Variants in SIPA1L1 observed in about 807,000 individuals in gnomAD.
SIPA1L1 encodes signal induced proliferation associated 1 like 1, also known as signal-induced proliferation-associated 1-like protein 1.
SIPA1L1 carries 26 observed loss-of-function variants against 162.7 expected under a neutral mutation model. That is an observed-to-expected ratio of 0.16 (90% CI 0.12 to 0.22). SIPA1L1 has a LOEUF of 0.22. Among genes scored for constraint, SIPA1L1 ranks in the 10% least tolerant of loss-of-function variants. The pLI is 1.00. For missense variants in SIPA1L1, 1,874 were observed against 2,241.0 expected (o/e 0.84, Z 3.31); for synonymous variants, 829 against 837.4 (o/e 0.99, Z 0.17).
chr14:71,362,335 A>G (rs1316235905), intron 2 of SIPA1L1, among the ~76,000 whole-genome samples: 1 of 152,146 alleles, frequency 6.6e-6, no homozygotes, highest in African/African-American at 2.4e-5. Context: ...AATAAACCAA[A>G]GGTTCCCTGT....
intron 4 of SIPA1L1, among the ~76,000 whole-genome samples, chr14:71,539,171 C>T (rs998573141): frequency 1.2e-4 from 19 of 152,180 alleles, no homozygotes; most frequent in Non-Finnish European, 1.8e-4. Flanking sequence ...CAAGGATGCT[C>T]TCTACAGTCC....
intron 2 of SIPA1L1, among the ~76,000 whole-genome samples, chr14:71,397,871 ATT>A (rs1555413046): frequency 6.6e-6 from 1 of 152,108 alleles, no homozygotes; most frequent in Non-Finnish European, 1.5e-5. Context: ...GTACACAGGC[ATT>A]TTTAGCATCT....
chr14:71,457,348 G>A (rs1037589299), intron 2 of SIPA1L1, among the ~76,000 whole-genome samples: 2 of 150,238 alleles, frequency 1.3e-5, no homozygotes, highest in African/African-American at 4.9e-5. Context: ...TGCCCAGGCT[G>A]GAGTGCAGTG....
chr14:71,348,639 C>T (rs747680624), intron 2 of SIPA1L1, among the ~76,000 whole-genome samples: 15 of 152,176 alleles, frequency 9.9e-5, no homozygotes, highest in South Asian at 6.2e-4. Context: ...ATCTGTGTTC[C>T]GCTTTATTAA....
chr14:71,394,902 TA>T (rs1004804690), intron 2 of SIPA1L1, among the ~76,000 whole-genome samples: 2 of 152,178 alleles, frequency 1.3e-5, no homozygotes, highest in African/African-American at 4.8e-5. Context: ...TAGAGCTTGT[TA>T]AAAAAATTAT....
rs773828379 is a variant in SIPA1L1 at position 71,705,288 on chromosome 14, G to A, written c.3713G>A (p.Arg1238Lys). 2.5e-6 allele frequency: 4 copies of A among 1,614,078 alleles called. No individual in the cohort carries two copies. In the Admixed American group the frequency reaches 6.7e-5, roughly 27 times the overall value. ...GCTTTCCGAGAGAGCCCCAGTGGGA[G>A]ATTAATGCGGCAGGATCCAGTGGTT... ...LPAFRESPSG[R>K]LMRQDPVVHL... Residue 1238 changes from arginine (R) to lysine (K), a missense_variant, in exon 16 of 24, where the codon AGA (arginine) becomes AAA (lysine). Coordinates refer to ENST00000381232, the MANE Select transcript of SIPA1L1 (RefSeq NM_001386936.1).
chr14:71,672,658 G>A (rs776480723), intron 12 of SIPA1L1, 36 bp downstream of exon 12: 17 of 1,601,052 alleles, frequency 1.1e-5, no homozygotes, highest in Admixed American at 1.0e-4. Context: ...CCTGAGACTC[G>A]AGTGCAGGGT....
At chr14:71,439,630 G>A (rs972432010) in intron 2 of SIPA1L1, among the ~76,000 whole-genome samples, 11 of 152,196 alleles carry the variant, frequency 7.2e-5, no homozygotes, top group African/African-American at 2.4e-4. Context: ...ATATTAAAGT[G>A]TCATGGACAT....
chr14:71,641,975 GT>G (rs2041758954), intron 7 of SIPA1L1, among the ~76,000 whole-genome samples: 2 of 152,182 alleles, frequency 1.3e-5, no homozygotes, highest in African/African-American at 4.8e-5. Flanking sequence ...TTTGTCAGAA[GT>G]TATTAAATTA....
chr14:71,671,094 G>A (rs752211746), intron 10 of SIPA1L1, 25 bp from the exon 11 acceptor site: 2 of 1,529,326 alleles, frequency 1.3e-6, no homozygotes, highest in Admixed American at 4.0e-5. Flanking sequence ...TACTGACGTG[G>A]CTCTCTTTGA....
At chr14:71,649,185 T>A (rs1289640534) in intron 7 of SIPA1L1, among the ~76,000 whole-genome samples, 1 of 148,504 alleles carries the variant, frequency 6.7e-6, no homozygotes, top group Non-Finnish European at 1.5e-5. Context: ...GAATTCAAAG[T>A]CCAATTTTTT....
At chr14:71,629,871 A>G (rs1036971663) in intron 7 of SIPA1L1, among the ~76,000 whole-genome samples, 10 of 152,244 alleles carry the variant, frequency 6.6e-5, no homozygotes, top group Non-Finnish European at 1.2e-4. Flanking sequence ...GAAATGAGCA[A>G]TGTTTATGTG....
intron 5 of SIPA1L1, among the ~76,000 whole-genome samples, chr14:71,614,987 T>C (rs1596430889): frequency 6.6e-6 from 1 of 152,194 alleles, no homozygotes; most frequent in African/African-American, 2.4e-5. Context: ...TATTAAATAT[T>C]TGGTTTTAAT....
chr14:71,692,045 A>G (rs534755127), intron 13 of SIPA1L1, among the ~76,000 whole-genome samples: 14 of 152,302 alleles, frequency 9.2e-5, no homozygotes, highest in Non-Finnish European at 1.3e-4. Context: ...TAGTGTGTCT[A>G]CACTTCACAT....
At chr14:71,722,093 C>T (rs145602172) in intron 17 of SIPA1L1, among the ~76,000 whole-genome samples, 54 of 152,330 alleles carry the variant, frequency 3.5e-4, no homozygotes, top group Non-Finnish European at 6.9e-4. Context: ...CTCTGACGTG[C>T]ACAGATTCTC....
chr14:71,471,325 C>G (rs983706210), intron 2 of SIPA1L1, among the ~76,000 whole-genome samples: 1 of 152,078 alleles, frequency 6.6e-6, no homozygotes, highest in Non-Finnish European at 1.5e-5. Context: ...GAAAATTAGT[C>G]GGGCGTGGTG....
At chr14:71,674,562 T>G (rs1441115561) in intron 12 of SIPA1L1, among the ~76,000 whole-genome samples, 29 of 149,114 alleles carry the variant, frequency 1.9e-4, no homozygotes, top group African/African-American at 7.2e-4. Flanking sequence ...TTTTTTTTGT[T>G]TTTTTTTGTT....
At chr14:71,393,060 C>A (rs1275771625) in intron 2 of SIPA1L1, among the ~76,000 whole-genome samples, 2 of 152,142 alleles carry the variant, frequency 1.3e-5, no homozygotes, top group Admixed American at 6.5e-5. Context: ...GTTGAACTTA[C>A]CGATTGGTTG....
chr14:71,686,635 C>G lies in SIPA1L1; in HGVS notation c.3374+1004C>G, dbSNP rs2080885861. Among the ~76,000 whole-genome samples the G allele has an allele frequency of 2.6e-5, 4 of 152,064 alleles. No individual in the cohort carries two copies. The South Asian group carries it at 8.3e-4, about 32-fold the overall frequency. ...CTCGGCTCACTGCAACCTCTGCCTC[C>G]CAGGTTCAAGCGAGTCTCCTGTCTC... On this transcript the variant is annotated intron_variant, in intron 13 of 23. Coordinates refer to ENST00000381232, the MANE Select transcript of SIPA1L1 (RefSeq NM_001386936.1).
Sources: allele counts gnomAD v4.1 joint callset (sites outside exome capture counted in the v4.1 genomes callset), GRCh38; gene constraint gnomAD v4.1.1; transcripts MANE v1.5; gene names NCBI Gene and HGNC (gene_info 2026-07-23, HGNC 2026-07-21).